Variants in ZFPM2 observed in about 807,000 individuals in gnomAD.
ZFPM2 encodes zinc finger protein, FOG family member 2.
A neutral mutation model predicts 98.6 loss-of-function variants in ZFPM2; 20 were observed. That is an observed-to-expected ratio of 0.20 (90% confidence interval 0.14 to 0.29). The LOEUF is 0.29. ZFPM2 is among the 10% of genes least tolerant of loss of function. The pLI, the probability that ZFPM2 is intolerant of heterozygous loss-of-function variation, is 1.00. For synonymous variants in ZFPM2, 518 were observed against 502.7 expected (o/e 1.03, Z -0.41); for missense variants, 1,310 against 1,388.6 (o/e 0.94, Z 0.90).
intron 2 of ZFPM2, among the ~76,000 whole-genome samples, chr8:105,442,054 C>G (rs1812262029): frequency 6.6e-6 from 1 of 151,992 alleles, no homozygotes; most frequent in African/African-American, 2.4e-5. Context: ...AAACTTGGGG[C>G]CGGGCGCGGT....
At chr8:105,634,643 T>C (rs1816814206) in intron 5 of ZFPM2, among the ~76,000 whole-genome samples, 1 of 152,172 alleles carries the variant, frequency 6.6e-6, no homozygotes. Flanking sequence ...TTGCTGTTAG[T>C]ATCATTGATA....
At chr8:105,430,474 A>G (rs1186323135) in intron 2 of ZFPM2, among the ~76,000 whole-genome samples, 3 of 152,202 alleles carry the variant, frequency 2.0e-5, no homozygotes, top group African/African-American at 7.2e-5. Context: ...AGGATAAGTT[A>G]CCCTTTGCCT....
At chr8:105,752,218 A>G (rs1239529876) in intron 5 of ZFPM2, among the ~76,000 whole-genome samples, 2 of 152,168 alleles carry the variant, frequency 1.3e-5, no homozygotes, top group African/African-American at 4.8e-5. Flanking sequence ...TTAGCAGCCT[A>G]TAAAAGAGAC....
chr8:105,462,182 A>T (rs912860809), intron 3 of ZFPM2, among the ~76,000 whole-genome samples: 2 of 152,100 alleles, frequency 1.3e-5, no homozygotes, highest in African/African-American at 4.8e-5. Flanking sequence ...ATGTGTCTTC[A>T]TCCTGGAAAG....
Position 105,552,413 on chromosome 8 carries a change from A to G in ZFPM2, c.302-8950A>G, listed in dbSNP as rs566338004. On this transcript the variant is annotated intron_variant, in intron 3 of 7. Transcript: ENST00000407775. The stretch of plus-strand genomic sequence containing the variant: ...TTGGATCAGGAAGTAGTATCAGGTC[A>G]GCTGTGACACGGGATGTTGTCTAGA... Among the ~76,000 whole-genome samples the G allele has an allele frequency of 1.6e-4, 24 of 152,318 alleles. No individual in the cohort carries two copies. The South Asian group carries it at 4.6e-3, about 29-fold the overall frequency.
intron 6 of ZFPM2, among the ~76,000 whole-genome samples, chr8:105,794,671 C>T (rs565625563): frequency 2.6e-5 from 4 of 152,322 alleles, no homozygotes; most frequent in Non-Finnish European, 5.9e-5. Flanking sequence ...TTGTCTGTGC[C>T]CTGCCCCCAG....
intron 3 of ZFPM2, among the ~76,000 whole-genome samples, chr8:105,511,849 A>G (rs1024032692): frequency 6.6e-6 from 1 of 152,174 alleles, no homozygotes; most frequent in Non-Finnish European, 1.5e-5. Flanking sequence ...AACTTTCCTT[A>G]TAAAAGGCAC....
chr8:105,525,427 G>T lies in ZFPM2; in HGVS notation c.302-35936G>T, dbSNP rs1456407205. Among the ~76,000 whole-genome samples the T allele has an allele frequency of 2.0e-5, 3 of 152,174 alleles. No homozygotes were observed. In the East Asian group the frequency reaches 5.8e-4, roughly 29 times the overall value. On this transcript the variant is annotated intron_variant, in intron 3 of 7. Coordinates refer to ENST00000407775, the MANE Select transcript of ZFPM2 (RefSeq NM_012082.4). ...GGCTATTCCGTGCCAGTCACCTGAT[G>T]AATATGTCATGATTATTTTGTTTTA... is the stretch of plus-strand genomic sequence containing the variant.
At chr8:105,562,763 G>A (rs768357331) in intron 4 of ZFPM2, among the ~76,000 whole-genome samples, 17 of 152,162 alleles carry the variant, frequency 1.1e-4, no homozygotes, top group South Asian at 2.1e-4. Flanking sequence ...TGCCTGGGTC[G>A]TCTAAGCTAA....
At chr8:105,727,483 G>C (rs1374656128) in intron 5 of ZFPM2, among the ~76,000 whole-genome samples, 2 of 151,714 alleles carry the variant, frequency 1.3e-5, no homozygotes, top group Non-Finnish European at 2.9e-5. Flanking sequence ...CTATTTTTAA[G>C]TTACAAAAAT....
chr8:105,772,837 G>A (rs150038519), intron 5 of ZFPM2, among the ~76,000 whole-genome samples: 45 of 152,274 alleles, frequency 3.0e-4, no homozygotes, highest in African/African-American at 1.1e-3. Flanking sequence ...CACTTGGTGA[G>A]TTTATGTTAT....
Position 105,789,201 on chromosome 8 carries a change from C to T in ZFPM2, c.739+277C>T, listed in dbSNP as rs191631429. On this transcript the variant is annotated intron_variant, in intron 6 of 7. Coordinates refer to ENST00000407775, the MANE Select transcript of ZFPM2 (RefSeq NM_012082.4). ...CGGCACCCACTAACTCGTCATCTAGCATTGGGTATATCTCCCAATGCTATC... is the reference window on the plus strand; with the variant it reads ...CGGCACCCACTAACTCGTCATCTAGTATTGGGTATATCTCCCAATGCTATC... 2.5e-3 allele frequency among the ~76,000 whole-genome samples: 387 copies of T among 152,146 alleles called. 3 individuals are homozygous for T. The highest frequency in any genetic ancestry group is 8.4e-3 in the African/African-American group (349 of 41,498).
At chr8:105,472,602 A>C (rs1812926150) in intron 3 of ZFPM2, among the ~76,000 whole-genome samples, 1 of 151,972 alleles carries the variant, frequency 6.6e-6, no homozygotes, top group Admixed American at 6.6e-5. Context: ...TCCCGGGTTC[A>C]CACCATTCTC....
At chr8:105,400,009 C>T (rs1811305186) in intron 1 of ZFPM2, among the ~76,000 whole-genome samples, 1 of 152,100 alleles carries the variant, frequency 6.6e-6, no homozygotes, top group Admixed American at 6.6e-5. Context: ...CTCAGGTAAT[C>T]CGCTCGTCTC....
intron 3 of ZFPM2, among the ~76,000 whole-genome samples, chr8:105,525,490 T>A (rs1814155794): frequency 6.6e-6 from 1 of 152,188 alleles, no homozygotes; most frequent in Non-Finnish European, 1.5e-5. Context: ...AACAGTGATT[T>A]GACAGAAGAG....
intron 6 of ZFPM2, among the ~76,000 whole-genome samples, chr8:105,796,483 G>T (rs1408339056): frequency 6.6e-6 from 1 of 152,094 alleles, no homozygotes; most frequent in Non-Finnish European, 1.5e-5. Flanking sequence ...GAAGGGAAGG[G>T]TTAAATAATA....
intron 4 of ZFPM2, among the ~76,000 whole-genome samples, chr8:105,612,686 A>G (rs1816331106): frequency 6.6e-6 from 1 of 152,194 alleles, no homozygotes. Context: ...GTCTAATAAT[A>G]TATCTAGACT....
intron 6 of ZFPM2, among the ~76,000 whole-genome samples, chr8:105,791,595 C>G (rs942647129): frequency 6.6e-6 from 1 of 152,190 alleles, no homozygotes; most frequent in African/African-American, 2.4e-5. Context: ...CAGGATGATG[C>G]TGGCCTCATA....
rs146927256 is a variant in ZFPM2, at chr8:105,426,477, C to T, written c.199+7175C>T. ...TGGCAGGAACCTCCCTTCCCTTCTC[C>T]GCCACCTCCCCCTCCCTCCACATGA... On this transcript the variant is annotated intron_variant, in intron 2 of 7. Coordinates refer to ENST00000407775, the MANE Select transcript of ZFPM2 (RefSeq NM_012082.4). Among the ~76,000 whole-genome samples, 244 of 152,184 alleles carry T rather than the reference C, an allele frequency of 1.6e-3. 2 individuals carry two copies. Among genetic ancestry groups the T allele is most frequent in the African/African-American group, 5.7e-3 (238 of 41,528 alleles).
Sources: allele counts gnomAD v4.1 joint callset (sites outside exome capture counted in the v4.1 genomes callset), GRCh38; gene constraint gnomAD v4.1.1; transcripts MANE v1.5; gene names NCBI Gene and HGNC (gene_info 2026-07-23, HGNC 2026-07-21).